Variants in DTNBP1 observed in about 807,000 individuals in gnomAD.
DTNBP1 encodes the protein dysbindin.
In DTNBP1, 35 loss-of-function variants were observed where a neutral mutation model predicts 42.8. The ratio of observed to expected loss-of-function variants is 0.82; its 90% CI spans 0.63 to 1.09. DTNBP1 has a LOEUF of 1.09. Ranked by LOEUF, DTNBP1 falls within the 50% of genes least tolerant of loss-of-function variation. DTNBP1 has a pLI of 0.00. For synonymous variants in DTNBP1, 171 were observed against 162.2 expected, an observed-to-expected ratio of 1.05 and a Z score of -0.41; for missense variants, 457 against 424.2, an observed-to-expected ratio of 1.08 and a Z score of -0.68.
chr6:15,556,160 T>G (rs1462202240), intron 7 of DTNBP1, among the ~76,000 whole-genome samples: 1 of 151,634 alleles, frequency 6.6e-6, no homozygotes, highest in Non-Finnish European at 1.5e-5. Context: ...GAGTCCCTCC[T>G]AAGAAATAGG....
intron 6 of DTNBP1, among the ~76,000 whole-genome samples, chr6:15,598,461 G>A (rs187625951): frequency 1.3e-5 from 2 of 152,248 alleles, no homozygotes; most frequent in African/African-American, 4.8e-5. Context: ...ATGTTTAGGG[G>A]AAATTTTTTT....
At chr6:15,552,660 GA>G (rs1774279434) in intron 7 of DTNBP1, among the ~76,000 whole-genome samples, 1 of 152,066 alleles carries the variant, frequency 6.6e-6, no homozygotes, top group South Asian at 2.1e-4. Context: ...TCATATACAA[GA>G]AGCCTATTAT....
At chr6:15,533,492 A>G (rs1581706068) in intron 7 of DTNBP1, 97 bp from the exon 8 acceptor site, 2 of 1,581,492 alleles carry the variant, frequency 1.3e-6, no homozygotes, top group Non-Finnish European at 1.7e-6. Context: ...AAGTGGATGG[A>G]GTCATGCCGC....
At chr6:15,547,199 G>A (rs770124961) in intron 7 of DTNBP1, among the ~76,000 whole-genome samples, 20 of 152,248 alleles carry the variant, frequency 1.3e-4, no homozygotes, top group African/African-American at 2.9e-4. Context: ...AACTGCCAGC[G>A]TCTGTGAGTG....
rs564750650 is a variant in DTNBP1, at chr6:15,531,277, T to C, written c.667+1963A>G. Among the ~76,000 whole-genome samples, 22 of 152,232 alleles carry C rather than the reference T, an allele frequency of 1.4e-4. No homozygotes were observed. The South Asian group carries it at 3.7e-3, about 26-fold the overall frequency. ...TGGGGTAAGACAGTGTCCTTCTCGG[T>C]TTCTACCCTTAACAGGATAAAAATC... On this transcript the variant is annotated intron_variant, in intron 8 of 9. Coordinates refer to ENST00000344537, the MANE Select transcript of DTNBP1 (RefSeq NM_032122.5).
Position 15,585,123 on chromosome 6 carries a change from T to C in DTNBP1, c.511+7936A>G, listed in dbSNP as rs557724911. ...TATATATATATATATTCAACCTGTA[T>C]GAAGCATTATGACATTTTTCAAAAT... On this transcript the variant is annotated intron_variant, in intron 7 of 9. Coordinates refer to ENST00000344537, the MANE Select transcript of DTNBP1 (RefSeq NM_032122.5). Among the ~76,000 whole-genome samples the C allele has an allele frequency of 2.1e-5, 3 of 140,902 alleles. No individual in the cohort carries two copies. The East Asian group carries it at 6.1e-4, about 28-fold the overall frequency. 92.4% of individuals were successfully genotyped at this position (140,902 alleles called of 152,430 possible).
chr6:15,627,486 C>CAAG lies in DTNBP1; in HGVS notation c.223-14_223-12dup, dbSNP rs775419792. On this transcript the variant is annotated splice_polypyrimidine_tract_variant and intron_variant, in intron 4 of 9. Coordinates refer to ENST00000344537, the MANE Select transcript of DTNBP1 (RefSeq NM_032122.5). ...CTCGCTATCCACCAGCTGCAGCACA[C>CAAG]AAGAAGGGGGGTAAAGTGAAACCAG... 5.6e-6 allele frequency: 9 copies of CAAG among 1,613,584 alleles called. No individual in the cohort carries two copies. Among genetic ancestry groups the CAAG allele is most frequent in the South Asian group, 1.1e-5 (1 of 91,082 alleles).
At chr6:15,523,288 G>T in intron 9 of DTNBP1, 69 bp from the exon 10 acceptor site, 2 of 1,592,222 alleles carry the variant, frequency 1.3e-6, no homozygotes, top group Non-Finnish European at 1.7e-6. Context: ...GCCGCCAACA[G>T]CTGTGGAATG....
At chr6:15,582,636 T>C (rs1273442198) in intron 7 of DTNBP1, among the ~76,000 whole-genome samples, 1 of 152,200 alleles carries the variant, frequency 6.6e-6, no homozygotes, top group Non-Finnish European at 1.5e-5. Flanking sequence ...CTACGATAAT[T>C]CTTATTACAT....
intron 4 of DTNBP1, among the ~76,000 whole-genome samples, chr6:15,637,392 T>C (rs1351290504): frequency 1.3e-5 from 2 of 152,216 alleles, no homozygotes; most frequent in African/African-American, 2.4e-5. Context: ...AATTCTTAAA[T>C]AGTGTAGAAA....
chr6:15,601,994 G>A (rs772389742), intron 6 of DTNBP1, among the ~76,000 whole-genome samples: 9 of 151,614 alleles, frequency 5.9e-5, no homozygotes, highest in Middle Eastern at 3.5e-3. Context: ...AGCATTAGCC[G>A]GGCACAATAA....
intron 7 of DTNBP1, among the ~76,000 whole-genome samples, chr6:15,553,398 T>C (rs574528347): frequency 1.2e-4 from 18 of 151,684 alleles, no homozygotes; most frequent in Non-Finnish European, 2.5e-4. Flanking sequence ...ACAAGATAGA[T>C]ATTGTTTTAA....
chr6:15,543,176 AT>A (rs992884273), intron 7 of DTNBP1, among the ~76,000 whole-genome samples: 1 of 152,032 alleles, frequency 6.6e-6, no homozygotes, highest in Non-Finnish European at 1.5e-5. Context: ...CCCATCAGGG[AT>A]TTTTCCCCCC....
rs185754072 is a variant in DTNBP1 at position 15,529,228 on chromosome 6, T to C, written c.667+4012A>G. On this transcript the variant is annotated intron_variant, in intron 8 of 9. Coordinates refer to ENST00000344537, the MANE Select transcript of DTNBP1 (RefSeq NM_032122.5). ...TGAACCCAGGAGTTCCAGACTGCAA[T>C]GAGCTATGACCACGCCACTGCACTC... Among the ~76,000 whole-genome samples the C allele has an allele frequency of 2.6e-5, 4 of 152,254 alleles. No homozygotes were observed. In the East Asian group the frequency reaches 7.7e-4, roughly 29 times the overall value.
chr6:15,635,894 T>A (rs989984632), intron 4 of DTNBP1, among the ~76,000 whole-genome samples: 3 of 152,228 alleles, frequency 2.0e-5, no homozygotes, highest in Non-Finnish European at 4.4e-5. Flanking sequence ...CCATCTTTTA[T>A]CTCTTGAAAG....
intron 7 of DTNBP1, among the ~76,000 whole-genome samples, chr6:15,553,535 AG>A (rs1396202039): frequency 1.4e-5 from 2 of 144,094 alleles, no homozygotes; most frequent in Admixed American, 7.1e-5. Flanking sequence ...TCACATGCAG[AG>A]GAACAACTTC....
chr6:15,570,630 CA>C (rs1249175641), intron 7 of DTNBP1, among the ~76,000 whole-genome samples: 41 of 152,350 alleles, frequency 2.7e-4, no homozygotes, highest in Admixed American at 2.2e-3. Flanking sequence ...CCCTGTACTG[CA>C]AACTGTTCAC....
rs182798792 is a variant in DTNBP1 at position 15,602,855 on chromosome 6, G to A, written c.489-9774C>T. Reference sequence around the variant, plus strand: ...AAAAACAAAAAGCTTGAACCCCAGCGTGTCATTTGCATAACTGGAGGAAAG... The same window carrying A: ...AAAAACAAAAAGCTTGAACCCCAGCATGTCATTTGCATAACTGGAGGAAAG... On this transcript the variant is annotated intron_variant, in intron 6 of 9. Transcript: ENST00000344537. 2.2e-3 allele frequency among the ~76,000 whole-genome samples: 339 copies of A among 152,224 alleles called. 1 individual carries two copies. The highest frequency in any genetic ancestry group is 7.6e-3 in the African/African-American group (315 of 41,546).
intron 1 of DTNBP1, among the ~76,000 whole-genome samples, chr6:15,656,784 G>A (rs546043614): frequency 6.6e-6 from 1 of 152,246 alleles, no homozygotes; most frequent in South Asian, 2.1e-4. Flanking sequence ...TAGATAAACA[G>A]AATGATGCAT....
Sources: allele counts gnomAD v4.1 joint callset (sites outside exome capture counted in the v4.1 genomes callset), GRCh38; gene constraint gnomAD v4.1.1; transcripts MANE v1.5; gene names NCBI Gene and HGNC (gene_info 2026-07-23, HGNC 2026-07-21).